Variants in PCF11 observed in about 807,000 individuals in gnomAD.
The protein encoded by PCF11 is PCF11 cleavage and polyadenylation factor subunit.
A neutral mutation model predicts 166.1 loss-of-function variants in PCF11; 19 were observed. The ratio of observed to expected loss-of-function variants is 0.11; its 90% CI spans 0.08 to 0.17. The LOEUF (loss-of-function observed/expected upper bound fraction) is 0.17. PCF11 is among the 10% of genes least tolerant of loss of function. The probability of loss-of-function intolerance (pLI) is 1.00; values close to 1 mark genes in which losing one functional copy is unlikely to be tolerated. For missense variants in PCF11, 1,565 were observed against 1,855.5 expected (o/e 0.84, Z 2.88); for synonymous variants, 663 against 644.1 (o/e 1.03, Z -0.44).
chr11:83,182,866 T>C (rs1251754609), intron 14 of PCF11, among the ~76,000 whole-genome samples, 172 bp from the exon 15 acceptor site: 13 of 152,224 alleles, frequency 8.5e-5, no homozygotes, highest in African/African-American at 3.1e-4. Flanking sequence ...AGAAGTCAGT[T>C]TTTCAGACTC....
At chr11:83,173,388 G>A (rs938242380) in intron 9 of PCF11, among the ~76,000 whole-genome samples, 8 of 152,006 alleles carry the variant, frequency 5.3e-5, no homozygotes, top group Non-Finnish European at 1.0e-4. Flanking sequence ...CCAGGAGGTG[G>A]AGGTTGCAGT....
At chr11:83,169,667 T>G in exon 8 of PCF11, 1 of 1,613,926 alleles carries the variant, frequency 6.2e-7, no homozygotes, top group Non-Finnish European at 8.5e-7. Flanking sequence ...CCTCTTGGTC[T>G]TCAAGGCACA....
intron 9 of PCF11, among the ~76,000 whole-genome samples, chr11:83,175,676 C>T (rs1243582875): frequency 6.6e-6 from 1 of 152,160 alleles, no homozygotes; most frequent in African/African-American, 2.4e-5. Flanking sequence ...ACGGTGTGAA[C>T]CCAGGAGGTG....
chr11:83,177,058 T>C (rs1229289517), intron 9 of PCF11, 27 bp from the exon 10 acceptor site: 1 of 1,430,204 alleles, frequency 7.0e-7, no homozygotes, highest in Non-Finnish European at 9.2e-7. Flanking sequence ...AAAGTGGTTT[T>C]TTTTCTTTCT....
chr11:83,161,850 A>G (rs897831574), intron 2 of PCF11, among the ~76,000 whole-genome samples: 10 of 152,140 alleles, frequency 6.6e-5, no homozygotes, highest in African/African-American at 2.2e-4. Context: ...AAAAAGCATA[A>G]TCCCTCAGTG....
intron 9 of PCF11, 51 bp from the exon 10 acceptor site, chr11:83,177,034 C>G: frequency 7.5e-7 from 1 of 1,329,060 alleles, no homozygotes; most frequent in Non-Finnish European, 9.8e-7. Flanking sequence ...TCTTTAAGTT[C>G]TACATTCACT....
At chr11:83,166,078 T>G (rs1298042410) in exon 5 of PCF11, 1 of 1,610,492 alleles carries the variant, frequency 6.2e-7, no homozygotes, top group East Asian at 2.2e-5. Context: ...AGTATGAGGT[T>G]GTCTGATATG....
chr11:83,166,084 A>T, exon 5 of PCF11: 1 of 1,611,016 alleles, frequency 6.2e-7, no homozygotes, highest in Non-Finnish European at 8.5e-7. Flanking sequence ...AGGTTGTCTG[A>T]TATGAACAAG....
At chr11:83,173,719 C>CTTTTTTTT (rs869126679) in intron 9 of PCF11, among the ~76,000 whole-genome samples, 609 of 59,050 alleles carry the variant, frequency 0.01, 7 homozygotes, top group Middle Eastern at 0.016. Flanking sequence ...TTCTTTCTTT[C>CTTTTTTTT]TTTTTTTTTT....
chr11:83,178,673 C>T lies in PCF11; in HGVS notation c.3983+854C>T, dbSNP rs375821917. 6.6e-4 allele frequency among the ~76,000 whole-genome samples: 100 copies of T among 151,908 alleles called. 4 individuals are homozygous for T. The South Asian group carries it at 0.02, about 31-fold the overall frequency. On this transcript the variant is annotated intron_variant, in intron 11 of 15. Coordinates refer to ENST00000298281, the Ensembl canonical transcript of PCF11. ...CTAAAAATACAAAAAATTAGCCGGG[C>T]GCAGTGGCGGGTGCCTGTAGTCCCA... is the stretch of plus-strand genomic sequence containing the variant.
exon 5 of PCF11, chr11:83,166,265 A>G: frequency 6.2e-7 from 1 of 1,613,370 alleles, no homozygotes; most frequent in Non-Finnish European, 8.5e-7. Context: ...TTGTACAAAA[A>G]CAGGATACAA....
At chr11:83,182,551 C>T in intron 14 of PCF11, 60 bp downstream of exon 14, 2 of 843,664 alleles carry the variant, frequency 2.4e-6, no homozygotes. Context: ...TGGGTTAACA[C>T]ATTACTTTGA....
At chr11:83,174,447 G>A (rs1455199896) in intron 9 of PCF11, among the ~76,000 whole-genome samples, 1 of 149,618 alleles carries the variant, frequency 6.7e-6, no homozygotes, top group Non-Finnish European at 1.5e-5. Context: ...TCAAACACCT[G>A]AACTCAAGCA....
chr11:83,159,347 G>A (rs181622211), intron 1 of PCF11, among the ~76,000 whole-genome samples: 125 of 152,232 alleles, frequency 8.2e-4, no homozygotes, highest in Non-Finnish European at 1.5e-3. Flanking sequence ...AAGCACTTGT[G>A]TTTTTAAGGC....
intron 9 of PCF11, 42 bp from the exon 10 acceptor site, chr11:83,177,043 C>T: frequency 1.4e-6 from 2 of 1,395,640 alleles, no homozygotes; most frequent in East Asian, 2.8e-5. Flanking sequence ...TCTACATTCA[C>T]TTCAAAAGTG....
chr11:83,163,050 C>T (rs928128598), intron 2 of PCF11, among the ~76,000 whole-genome samples: 2 of 152,180 alleles, frequency 1.3e-5, no homozygotes, highest in Admixed American at 6.5e-5. Context: ...GAATTACAGG[C>T]GTGAGCCACC....
exon 4 of PCF11, chr11:83,164,245 C>G: frequency 2.5e-6 from 4 of 1,613,594 alleles, no homozygotes; most frequent in Non-Finnish European, 3.4e-6. Context: ...TGGTCAGTTC[C>G]CCTAGCATCT....
chr11:83,168,807 T>A, exon 8 of PCF11: 1 of 1,613,752 alleles, frequency 6.2e-7, no homozygotes, highest in South Asian at 1.1e-5. Context: ...TTGAAGGTCC[T>A]CCAGGACCAG....
chr11:83,183,971 G>GT (rs980381668), intron 15 of PCF11: 9 of 151,370 alleles, frequency 5.9e-5, no homozygotes, highest in African/African-American at 2.2e-4. Flanking sequence ...GGCCAACATG[G>GT]TGAAACCCTG....
Sources: gnomAD v4.1 joint callset for allele counts (sites outside exome capture counted in the v4.1 genomes callset) on GRCh38, gnomAD v4.1.1 for gene constraint, MANE v1.5 for transcripts, NCBI Gene and HGNC (gene_info 2026-07-23, HGNC 2026-07-21) for gene names.